The following RBM38 variants were observed in gnomAD, a reference collection of about 807,000 sequenced individuals.
RBM38 encodes RNA binding motif protein 38, also known as RNA-binding protein 38.
In RBM38, 11 loss-of-function variants were observed where a neutral mutation model predicts 23.5. That is an observed-to-expected ratio of 0.47 (90% CI 0.29 to 0.77). The LOEUF (loss-of-function observed/expected upper bound fraction) is 0.77, where lower values mean the gene tolerates loss of function less well. Ranked by LOEUF, RBM38 falls within the 30% of genes least tolerant of loss-of-function variation. RBM38 has a pLI of 0.08. For missense variants in RBM38, 330 were observed against 351.9 expected (o/e 0.94, Z 0.50); for synonymous variants, 165 against 166.1 (o/e 0.99, Z 0.05).
chr20:57,393,304 G>T lies in RBM38; in HGVS notation c.387G>T (p.Leu129=). The change falls in exon 3 of 4, where the codon CTG becomes CTT. Residue 129 remains leucine, a synonymous_variant. Coordinates refer to ENST00000356208, the MANE Select transcript of RBM38 (RefSeq NM_017495.6). ...GCTTTGCCATTGGGGTGCAGCAGCTGCACCCCACCTTGATCCAGCGGACTT... is the reference window on the plus strand; with the variant it reads ...GCTTTGCCATTGGGGTGCAGCAGCTTCACCCCACCTTGATCCAGCGGACTT... The part of the protein sequence containing the change: ...QTGFAIGVQQ[L]HPTLIQRTYG... 6.2e-7 allele frequency: 1 copy of T among 1,613,860 alleles called. No individual in the cohort carries two copies. Among genetic ancestry groups the T allele is most frequent in the Non-Finnish European group, 8.5e-7 (1 of 1,179,852 alleles).
rs572651953 is a variant in RBM38, at chr20:57,407,170, T to C, written c.417-373T>C. On this transcript the variant is annotated intron_variant, in intron 3 of 3. Coordinates refer to ENST00000356208, the MANE Select transcript of RBM38 (RefSeq NM_017495.6). The surrounding 1 kb of genome is among the most constrained non-coding windows in gnomAD (Gnocchi z 4.0). ...CAACCAGGACATTCGTACCGGGCCC[T>C]GCTCTTGATCGCATGCTCCGCCGTC... Among the ~76,000 whole-genome samples the C allele has an allele frequency of 6.6e-6, 1 of 152,276 alleles. No individual in the cohort carries two copies. The highest frequency in any genetic ancestry group is 6.5e-5 in the Admixed American group (1 of 15,306).
chr20:57,391,835 C>G lies in RBM38; in HGVS notation c.237+17C>G, dbSNP rs1274559005. ...TACGGCTTCGTAAGTGGCCCCCGCG[C>G]CCGGGCCCGCACCCCGCCGCACACC... is the stretch of plus-strand genomic sequence containing the variant. On this transcript the variant is annotated intron_variant, in intron 1 of 3. Transcript: ENST00000356208. 3 of 1,522,756 alleles carry G rather than the reference C, an allele frequency of 2.0e-6. No homozygotes were observed. The highest frequency in any genetic ancestry group is 1.9e-5 in the Admixed American group (1 of 51,534). 94.3% of individuals were successfully genotyped at this position (1,522,756 alleles called of 1,614,324 possible).
intron 1 of RBM38, chr20:57,392,147 G>T (rs1185388446): frequency 7.8e-6 from 2 of 255,386 alleles, no homozygotes; most frequent in South Asian, 3.5e-5. Flanking sequence ...GCAGCGGGGG[G>T]TGAGGAGCAA....
chr20:57,407,797 C>G lies in RBM38; in HGVS notation c.671C>G (p.Thr224Ser). The G allele has an allele frequency of 6.2e-7, 1 of 1,600,256 alleles. No individual in the cohort carries two copies. The highest frequency in any genetic ancestry group is 8.5e-7 in the Non-Finnish European group (1 of 1,175,492). Residue 224 changes from threonine (T) to serine (S), a missense_variant, in exon 4 of 4, where the codon ACT (threonine) becomes AGT (serine). Thr to Ser is a moderately conservative substitution (Grantham distance 58). Around this residue, in one of 3 missense-constraint regions of RBM38, gnomAD observed 227 missense variants for 216.4 expected, o/e 1.05. Transcript: ENST00000356208. The surrounding 1 kb of genome is among the most constrained non-coding windows in gnomAD (Gnocchi z 4.0). Reference protein sequence around the residue: ...ALSAAAPAGTTFVQYQAPQLQ... With the variant: ...ALSAAAPAGTSFVQYQAPQLQ... ...TCAGCCGCAGCACCCGCGGGCACCA[C>G]TTTCGTGCAGTACCAGGCGCCGCAG...
chr20:57,399,703 C>G (rs977616326), intron 3 of RBM38, among the ~76,000 whole-genome samples: 2 of 152,204 alleles, frequency 1.3e-5, no homozygotes, highest in Non-Finnish European at 2.9e-5. Context: ...TTGAATGTCC[C>G]TAGACCTCCC....
At chr20:57,404,760 G>T (rs2067364407) in intron 3 of RBM38, among the ~76,000 whole-genome samples, 1 of 152,282 alleles carries the variant, frequency 6.6e-6, no homozygotes, top group East Asian at 1.9e-4. Flanking sequence ...GGGGCATCGG[G>T]CAGCGTAGCG....
At chr20:57,392,392 C>T (rs966432474) in intron 1 of RBM38, 4 of 1,510,848 alleles carry the variant, frequency 2.6e-6, no homozygotes, top group Non-Finnish European at 3.5e-6. Flanking sequence ...GCCCTATCCC[C>T]GCAGGGGATT....
At chr20:57,401,046 G>C (rs1018934446) in intron 3 of RBM38, among the ~76,000 whole-genome samples, 5 of 152,176 alleles carry the variant, frequency 3.3e-5, no homozygotes, top group Admixed American at 6.5e-5. Flanking sequence ...ATGAGCATTG[G>C]GTCCCCCGAC....
intron 3 of RBM38, among the ~76,000 whole-genome samples, chr20:57,395,466 T>C (rs2067264312): frequency 6.6e-6 from 1 of 152,176 alleles, no homozygotes; most frequent in Non-Finnish European, 1.5e-5. Flanking sequence ...GACGGTGTTT[T>C]GTAACTAAAT....
In RBM38 at chr20:57,408,094, A is replaced by G. The variant is rs2067407061; in HGVS notation, c.*248A>G. ...TGACTGAGAACTATTTAAAGACGCA[A>G]TCCCAGGTTCCTTGCACACCATGGC... is the stretch of plus-strand genomic sequence containing the variant. On this transcript the variant is annotated 3_prime_UTR_variant, in exon 4 of 4. Transcript: ENST00000356208. 1.8e-6 allele frequency: 1 copy of G among 568,090 alleles called. No individual in the cohort carries two copies. The highest frequency in any genetic ancestry group is 3.1e-6 in the Non-Finnish European group (1 of 318,110). The allele number at this position is 568,090 out of a possible 1,614,324, so 35.2% of individuals were successfully genotyped here. A position where few individuals can be genotyped will look rare whatever the true frequency, so the allele number is the denominator to read the frequency against.
chr20:57,395,445 C>T (rs542922786), intron 3 of RBM38, among the ~76,000 whole-genome samples: 2 of 152,116 alleles, frequency 1.3e-5, no homozygotes, highest in African/African-American at 4.8e-5. Flanking sequence ...TGTGTGCCCC[C>T]GACTTCAGGC....
intron 3 of RBM38, 68 bp downstream of exon 3, chr20:57,393,401 C>T (rs764926676): frequency 3.3e-6 from 5 of 1,504,370 alleles, no homozygotes; most frequent in Non-Finnish European, 4.6e-6. Context: ...CTTGGGCTTC[C>T]TGGGTCTGGA....
In RBM38 at chr20:57,399,729, A is replaced by T. The variant is rs558228735; in HGVS notation, c.416+6396A>T. Among the ~76,000 whole-genome samples, 102 of 152,180 alleles carry T rather than the reference A, an allele frequency of 6.7e-4. 3 individuals are homozygous for T. The highest frequency in any genetic ancestry group is 5.3e-3 in the Admixed American group (81 of 15,292). On this transcript the variant is annotated intron_variant, in intron 3 of 3. Transcript: ENST00000356208. ...TAGACCTCCCGGCCCTCCCCCTCAC[A>T]AGTCACTGGGGATTCCCGGGAGGCA...
At chr20:57,406,044 C>T (rs562835206) in intron 3 of RBM38, among the ~76,000 whole-genome samples, 1 of 152,248 alleles carries the variant, frequency 6.6e-6, no homozygotes. Flanking sequence ...AGTCACCCCC[C>T]AGGCGGGCCT....
intron 3 of RBM38, among the ~76,000 whole-genome samples, chr20:57,395,872 G>C (rs908290759): frequency 6.6e-6 from 1 of 152,176 alleles, no homozygotes; most frequent in Admixed American, 6.5e-5. Context: ...CAGTTTTGTC[G>C]GCCTTGGGCT....
chr20:57,406,524 C>T (rs550150907), intron 3 of RBM38, among the ~76,000 whole-genome samples: 5 of 152,172 alleles, frequency 3.3e-5, no homozygotes, highest in Non-Finnish European at 7.3e-5. Context: ...GGGTGACGCA[C>T]CCAGTCACAG....
At position 57,391,749 on chromosome 20, in the gene RBM38, C is replaced by T. The variant is rs372852914; in HGVS notation, c.168C>T (p.Gly56=). ...CCTCGCTCAGGAAGTACTTCGAGGG[C>T]TTCGGCGACATCGAGGAGGCCGTGG... is the stretch of plus-strand genomic sequence containing the variant. ...TDASLRKYFE[G]FGDIEEAVVI... The change falls in exon 1 of 4, where the codon GGC becomes GGT. Residue 56 remains glycine (G), a synonymous_variant. Coordinates refer to ENST00000356208, the MANE Select transcript of RBM38 (RefSeq NM_017495.6). The T allele has an allele frequency of 3.2e-6, 5 of 1,570,436 alleles. No individual in the cohort carries two copies. The highest frequency in any genetic ancestry group is 1.2e-5 in the South Asian group (1 of 86,432).
chr20:57,395,751 G>A (rs551941377), intron 3 of RBM38, among the ~76,000 whole-genome samples: 61 of 152,170 alleles, frequency 4.0e-4, no homozygotes, highest in African/African-American at 1.4e-3. Flanking sequence ...GCCCCCGCCC[G>A]CTGACGGAGC....
At chr20:57,402,108 C>T (rs953306791) in intron 3 of RBM38, among the ~76,000 whole-genome samples, 1 of 151,980 alleles carries the variant, frequency 6.6e-6, no homozygotes, top group Non-Finnish European at 1.5e-5. Context: ...CCACCACGCC[C>T]AGCTATTTTT....
Sources: gnomAD v4.1 joint callset for allele counts (sites outside exome capture counted in the v4.1 genomes callset) on GRCh38, gnomAD v4.1.1 for gene constraint, gnomAD v4.1.1 regional missense constraint, Gnocchi (gnomAD v3.1) non-coding constraint, MANE v1.5 for transcripts, NCBI Gene and HGNC (gene_info 2026-07-23, HGNC 2026-07-21) for gene names.